The following FHIT variants were observed in gnomAD, a reference collection of about 807,000 sequenced individuals.
FHIT encodes bis(5'-adenosyl)-triphosphatase.
FHIT carries 19 observed loss-of-function variants against 17.9 expected under a neutral mutation model. That is an observed-to-expected ratio of 1.06 (90% CI 0.74 to 1.56). FHIT has a LOEUF of 1.56. FHIT is among the 40% of genes most tolerant of loss of function. The probability of loss-of-function intolerance (pLI) is 0.00; values close to 1 mark genes in which losing one functional copy is unlikely to be tolerated. For missense variants in FHIT, 248 were observed against 189.2 expected, an observed-to-expected ratio of 1.31 and a Z score of -1.82; for synonymous variants, 81 against 69.7, an observed-to-expected ratio of 1.16 and a Z score of -0.81.
At chr3:60,426,322 C>A (rs370358769) in intron 5 of FHIT, among the ~76,000 whole-genome samples, 2 of 152,224 alleles carry the variant, frequency 1.3e-5, no homozygotes, top group African/African-American at 4.8e-5. Context: ...AGAGAAAGAT[C>A]TCCATTGCTC....
At chr3:60,345,608 T>C (rs1710736337) in intron 5 of FHIT, among the ~76,000 whole-genome samples, 2 of 152,184 alleles carry the variant, frequency 1.3e-5, no homozygotes, top group Admixed American at 1.3e-4. Context: ...AAAGATGGCA[T>C]TGTTTCCATT....
At chr3:60,728,538 T>C (rs2041962089) in intron 4 of FHIT, among the ~76,000 whole-genome samples, 1 of 152,164 alleles carries the variant, frequency 6.6e-6, no homozygotes. Flanking sequence ...CTCTTCCCAT[T>C]AAATTCTACC....
intron 7 of FHIT, among the ~76,000 whole-genome samples, chr3:59,990,741 G>A (rs1185788096): frequency 6.6e-6 from 1 of 152,016 alleles, no homozygotes; most frequent in African/African-American, 2.4e-5. Context: ...GAAAAACAAT[G>A]AGAGGGTTTT....
chr3:60,027,960 AATTTT>A (rs1419038614), intron 5 of FHIT, among the ~76,000 whole-genome samples: 2 of 152,154 alleles, frequency 1.3e-5, no homozygotes, highest in African/African-American at 4.8e-5. Flanking sequence ...ATTTTGTTTT[AATTTT>A]AATTTTACAT....
intron 8 of FHIT, among the ~76,000 whole-genome samples, chr3:59,827,106 T>G (rs2106686368): frequency 6.6e-6 from 1 of 152,346 alleles, no homozygotes; most frequent in South Asian, 2.1e-4. Context: ...CTTCATGCCA[T>G]GCAGTGTCCA....
At chr3:60,931,067 A>G (rs1575710495) in intron 3 of FHIT, among the ~76,000 whole-genome samples, 2 of 152,198 alleles carry the variant, frequency 1.3e-5, no homozygotes, top group East Asian at 3.9e-4. Context: ...CTTTGTAGGG[A>G]CATGGATGAA....
chr3:59,899,759 C>T (rs9851805), intron 8 of FHIT, among the ~76,000 whole-genome samples: 34,506 of 151,682 alleles, frequency 0.23, 6,374 homozygotes, highest in African/African-American at 0.51. Context: ...GGCAGGAGAA[C>T]TGCTTGAACC....
intron 5 of FHIT, among the ~76,000 whole-genome samples, chr3:60,057,937 T>A (rs1016094841): frequency 1.3e-5 from 2 of 151,538 alleles, no homozygotes; most frequent in South Asian, 2.1e-4. Context: ...TCTCAGTGAC[T>A]GGTTTTCTGC....
intron 5 of FHIT, among the ~76,000 whole-genome samples, chr3:60,454,510 G>A (rs991872493): frequency 2.0e-5 from 3 of 151,112 alleles, no homozygotes; most frequent in African/African-American, 7.3e-5. Flanking sequence ...TCAGCCTCTC[G>A]AGTAGCTGGG....
chr3:61,199,585 C>T (rs1014809402), intron 2 of FHIT, among the ~76,000 whole-genome samples: 2 of 152,042 alleles, frequency 1.3e-5, no homozygotes, highest in African/African-American at 4.8e-5. Flanking sequence ...GGGGTTTTCT[C>T]CAATATCCCT....
At chr3:60,135,465 G>A (rs1699779004) in intron 5 of FHIT, among the ~76,000 whole-genome samples, 1 of 152,042 alleles carries the variant, frequency 6.6e-6, no homozygotes, top group South Asian at 2.1e-4. Flanking sequence ...ACCTACAATG[G>A]GGTTTTAATC....
At chr3:60,522,576 G>C (rs2035413096) in intron 5 of FHIT, among the ~76,000 whole-genome samples, 1 of 152,190 alleles carries the variant, frequency 6.6e-6, no homozygotes. Context: ...ACCCAGTTCA[G>C]ACAAGATTTG....
intron 3 of FHIT, among the ~76,000 whole-genome samples, chr3:60,950,316 TATC>T (rs1708821597): frequency 6.6e-6 from 1 of 152,298 alleles, no homozygotes; most frequent in Admixed American, 6.5e-5. Flanking sequence ...GATACTGTAA[TATC>T]ATATTTATTG....
Position 59,986,436 on chromosome 3 carries a change from G to T in FHIT, c.279+24935C>A, listed in dbSNP as rs538187180. On this transcript the variant is annotated intron_variant, in intron 7 of 9. Coordinates refer to ENST00000492590, the MANE Select transcript of FHIT (RefSeq NM_002012.4). ...GTTATTCCCTTTGCTATATCACCCA[G>T]AAGTCTGTGATTGGATCTCCCTTGG... Among the ~76,000 whole-genome samples the T allele has an allele frequency of 9.6e-5, 14 of 145,208 alleles. No homozygotes were observed. In the South Asian group the frequency reaches 3.0e-3, roughly 31 times the overall value.
chr3:60,354,355 G>A (rs1699553660), intron 5 of FHIT, among the ~76,000 whole-genome samples: 1 of 152,002 alleles, frequency 6.6e-6, no homozygotes, highest in South Asian at 2.1e-4. Flanking sequence ...CATCAGATTT[G>A]TAAAAATGAA....
Position 60,084,926 on chromosome 3 carries a change from G to A in FHIT, c.104-70774C>T, listed in dbSNP as rs142343632. On this transcript the variant is annotated intron_variant, in intron 5 of 9. Coordinates refer to ENST00000492590, the MANE Select transcript of FHIT (RefSeq NM_002012.4). Reference sequence around the variant, plus strand: ...CTTGCTGTTACTTCAGGCATCTTCTGTTATCATTCTCCCTAGAGGCCAAAG... The same window carrying A: ...CTTGCTGTTACTTCAGGCATCTTCTATTATCATTCTCCCTAGAGGCCAAAG... 2.4e-3 allele frequency among the ~76,000 whole-genome samples: 362 copies of A among 152,068 alleles called. 1 individual carries two copies. The highest frequency in any genetic ancestry group is 8.5e-3 in the African/African-American group (352 of 41,510).
chr3:60,792,313 T>C (rs191585160), intron 4 of FHIT, among the ~76,000 whole-genome samples: 1 of 152,230 alleles, frequency 6.6e-6, no homozygotes, highest in East Asian at 1.9e-4. Flanking sequence ...TGTTGGTGGG[T>C]GTAAAAATAA....
chr3:59,791,827 A>G (rs561619152), intron 8 of FHIT, among the ~76,000 whole-genome samples: 1 of 152,274 alleles, frequency 6.6e-6, no homozygotes, highest in African/African-American at 2.4e-5. Context: ...CTCATAGAAG[A>G]AGGAAGACCT....
intron 5 of FHIT, among the ~76,000 whole-genome samples, chr3:60,222,697 T>C (rs1307493829): frequency 2.0e-5 from 3 of 151,960 alleles, no homozygotes; most frequent in Non-Finnish European, 4.4e-5. Flanking sequence ...AAATATAACT[T>C]CAGTAGCAGA....
Sources: allele counts gnomAD v4.1 joint callset (sites outside exome capture counted in the v4.1 genomes callset), GRCh38; gene constraint gnomAD v4.1.1; transcripts MANE v1.5; gene names NCBI Gene and HGNC (gene_info 2026-07-23, HGNC 2026-07-21).